ABI2: variants seen among roughly 807,000 people sequenced by gnomAD.
ABI2 encodes abl interactor 2.
Under a neutral mutation model 59.2 loss-of-function variants are expected in ABI2, and 25 were observed. The ratio of observed to expected loss-of-function variants is 0.42; its 90% CI spans 0.31 to 0.59. The LOEUF is 0.59. ABI2 is among the 20% of genes least tolerant of loss of function. The pLI is 0.14. For synonymous variants in ABI2, 213 were observed against 235.5 expected, an observed-to-expected ratio of 0.90 and a Z score of 0.87; for missense variants, 545 against 681.8, an observed-to-expected ratio of 0.80 and a Z score of 2.23.
chr2:203,401,492 GATTAT>G (rs1206389764), intron 8 of ABI2, among the ~76,000 whole-genome samples: 1 of 152,116 alleles, frequency 6.6e-6, no homozygotes, highest in Non-Finnish European at 1.5e-5. Context: ...TTAGGGAGTG[GATTAT>G]ATTATTAGGA....
chr2:203,395,149 T>C (rs1025393690), intron 6 of ABI2: 16 of 701,576 alleles, frequency 2.3e-5, no homozygotes, highest in Non-Finnish European at 3.9e-5. Flanking sequence ...GGTGGAACTT[T>C]ACAGATGAAA....
In ABI2 at chr2:203,416,959, A is replaced by G. The variant is rs749688383; in HGVS notation, c.1331A>G (p.Glu444Gly). 2.5e-6 allele frequency: 4 copies of G among 1,613,922 alleles called. No individual in the cohort carries two copies. Among genetic ancestry groups the G allele is most frequent in the Non-Finnish European group, 3.4e-6 (4 of 1,179,996 alleles). The part of the protein sequence containing the change: ...PPPVEEPVFD[E>G]SPPPPPPPED... ...CCTGTGGAAGAACCAGTCTTTGATG[A>G]GTCTCCCCCACCTCCTCCTCCTCCA... is the stretch of plus-strand genomic sequence containing the variant. The change falls in exon 11 of 12, where the codon GAG becomes GGG. Residue 444 changes from glutamate (E) to glycine (G), a missense_variant. Glu to Gly is a moderately conservative substitution (Grantham distance 98). This residue lies in a region of ABI2 where 410 missense variants were observed against 435.6 expected (regional missense o/e 0.94). Transcript: ENST00000261018.
At chr2:203,341,978 G>A (rs2080199634) in intron 1 of ABI2, among the ~76,000 whole-genome samples, 1 of 152,068 alleles carries the variant, frequency 6.6e-6, no homozygotes, top group Admixed American at 6.6e-5. Context: ...AAGCAAGGGA[G>A]ATATTCCTAT....
At chr2:203,400,039 C>T (rs1212003492) in intron 8 of ABI2, among the ~76,000 whole-genome samples, 1 of 148,614 alleles carries the variant, frequency 6.7e-6, no homozygotes, top group Non-Finnish European at 1.5e-5. Flanking sequence ...TTTTTAAAAC[C>T]CCAAATGGTA....
At chr2:203,396,149 A>G (rs2096972401) in intron 7 of ABI2, among the ~76,000 whole-genome samples, 1 of 152,226 alleles carries the variant, frequency 6.6e-6, no homozygotes, top group Non-Finnish European at 1.5e-5. Flanking sequence ...TAGTTTTGAC[A>G]GTTAAATTTA....
intron 4 of ABI2, among the ~76,000 whole-genome samples, chr2:203,384,944 C>T (rs1317847642): frequency 6.6e-6 from 1 of 150,458 alleles, no homozygotes; most frequent in Non-Finnish European, 1.5e-5. Flanking sequence ...AGGCGATTCT[C>T]CAGCCTCAGC....
chr2:203,382,183 A>G lies in ABI2; in HGVS notation c.463-6A>G. The G allele has an allele frequency of 2.6e-6, 4 of 1,528,628 alleles. No individual in the cohort carries two copies. In the East Asian group the frequency reaches 7.4e-5, roughly 28 times the overall value. 94.7% of individuals were successfully genotyped at this position (1,528,628 alleles called of 1,614,324 possible). A position where few individuals can be genotyped will look rare whatever the true frequency, so the allele number is the denominator to read the frequency against. ...CCTCTTTTATTTGCTCCATTTATGC[A>G]TTAAGTGGTTGCTTAGATTTAAGGT... On this transcript the variant is annotated splice_polypyrimidine_tract_variant and splice_region_variant and intron_variant, in intron 3 of 11. Coordinates refer to ENST00000261018, the MANE Select transcript of ABI2 (RefSeq NM_001375670.1).
Position 203,391,135 on chromosome 2 carries a change from G to A in ABI2, c.570G>A (p.Gly190=), listed in dbSNP as rs549992078. ...CTAGTCCCCCTATGTCAGGGAAAGGGACACTTGGGTGAGTATATAAGTAGT... is the reference window on the plus strand; with the variant it reads ...CTAGTCCCCCTATGTCAGGGAAAGGAACACTTGGGTGAGTATATAAGTAGT... The part of the protein sequence containing the change: ...KPPSPPMSGK[G]TLGRHSPYRT... The change falls in exon 5 of 12, where the codon GGG becomes GGA. Residue 190 remains glycine, a synonymous_variant. Transcript: ENST00000261018. The A allele has an allele frequency of 1.2e-6, 2 of 1,611,912 alleles. No individual in the cohort carries two copies. Among genetic ancestry groups the A allele is most frequent in the African/African-American group, 1.3e-5 (1 of 74,984 alleles).
intron 11 of ABI2, 42 bp from the exon 12 acceptor site, chr2:203,427,135 A>G (rs2098445659): frequency 6.4e-7 from 1 of 1,569,628 alleles, no homozygotes; most frequent in Non-Finnish European, 8.7e-7. Flanking sequence ...TTCTAGGAAT[A>G]TTACTGTCTT....
At chr2:203,365,176 C>T (rs1198116878) in intron 1 of ABI2, among the ~76,000 whole-genome samples, 1 of 152,044 alleles carries the variant, frequency 6.6e-6, no homozygotes, top group Non-Finnish European at 1.5e-5. Flanking sequence ...CATTTTGGAG[C>T]TTACTTTTTG....
chr2:203,347,724 T>TA (rs2084608433), intron 1 of ABI2, among the ~76,000 whole-genome samples: 1 of 152,258 alleles, frequency 6.6e-6, no homozygotes, highest in Non-Finnish European at 1.5e-5. Flanking sequence ...ACACATAACT[T>TA]ATGACACTTA....
At chr2:203,357,006 G>A (rs1043902931) in intron 1 of ABI2, among the ~76,000 whole-genome samples, 1 of 150,996 alleles carries the variant, frequency 6.6e-6, no homozygotes, top group African/African-American at 2.4e-5. Context: ...ACTAAAAAAC[G>A]ATTACTTCTT....
rs985033388 is a variant in ABI2, at chr2:203,430,964, CTT to C, written c.*3615_*3616del. 1.6e-4 allele frequency: 24 copies of C among 152,250 alleles called. No individual in the cohort carries two copies. Among genetic ancestry groups the C allele is most frequent in the African/African-American group, 5.8e-4 (24 of 41,550 alleles). 9.4% of individuals were successfully genotyped at this position (152,250 alleles called of 1,614,324 possible). ...TTTCTGCATTAAGAACTGTTTTTAT[CTT>C]TTACTACCTTTTCTTTTCTCCTTTG... On this transcript the variant is annotated 3_prime_UTR_variant, in exon 12 of 12. Coordinates refer to ENST00000261018, the MANE Select transcript of ABI2 (RefSeq NM_001375670.1).
rs751143730 is a variant in ABI2, at chr2:203,370,847, T to G, written c.285+3803T>G. Among the ~76,000 whole-genome samples, 4 of 152,192 alleles carry G rather than the reference T, an allele frequency of 2.6e-5. No homozygotes were observed. In the East Asian group the frequency reaches 7.7e-4, roughly 29 times the overall value. On this transcript the variant is annotated intron_variant, in intron 2 of 11. Coordinates refer to ENST00000261018, the MANE Select transcript of ABI2 (RefSeq NM_001375670.1). The stretch of plus-strand genomic sequence containing the variant: ...CAAGAGTTGTAAGGGTAGAGTTGTT[T>G]AGGACTAGTAGATACTAGTTATCTA...
intron 1 of ABI2, among the ~76,000 whole-genome samples, chr2:203,352,190 GC>G (rs2089146845): frequency 6.6e-6 from 1 of 152,160 alleles, no homozygotes; most frequent in African/African-American, 2.4e-5. Flanking sequence ...GTGGGGTGCT[GC>G]CCCCATGCCT....
chr2:203,360,221 C>G (rs1392895597), intron 1 of ABI2, among the ~76,000 whole-genome samples: 5 of 150,840 alleles, frequency 3.3e-5, no homozygotes, highest in Non-Finnish European at 5.9e-5. Flanking sequence ...GCAGTTGTAC[C>G]CTAAAGGCCT....
At chr2:203,346,582 C>T (rs1434995842) in intron 1 of ABI2, among the ~76,000 whole-genome samples, 5 of 152,218 alleles carry the variant, frequency 3.3e-5, no homozygotes, top group South Asian at 2.1e-4. Flanking sequence ...TCCTCATTGT[C>T]TGTTGAGTTG....
In ABI2 at chr2:203,416,994, G is replaced by T. The variant is rs763942603; in HGVS notation, c.1366G>T (p.Glu456Ter). ...ACCTCCTCCTCCTCCAGAAGATTAC[G>T]AAGAGGAGGAAGCTGCTGTGGTTGA... Reference protein sequence around the residue: ...PPPPPPPEDYEEEEAAVVEYS... With the variant: ...PPPPPPPEDY Residue 456 changes from glutamate (E) to a stop codon, truncating the protein, a stop_gained, in exon 11 of 12, where the codon GAA (glutamate) becomes TAA (stop). Transcript: ENST00000261018. LOFTEE classifies it high-confidence loss of function. 1 of 1,614,000 alleles carries T rather than the reference G, an allele frequency of 6.2e-7. No homozygotes were observed. Among genetic ancestry groups the T allele is most frequent in the Non-Finnish European group, 8.5e-7 (1 of 1,180,030 alleles).
intron 5 of ABI2, 23 bp from the exon 6 acceptor site, chr2:203,394,677 T>C (rs2096902952): frequency 6.2e-7 from 1 of 1,612,156 alleles, no homozygotes; most frequent in Non-Finnish European, 8.5e-7. Context: ...AATCATACAA[T>C]ACATACGCTC....
Sources: allele counts gnomAD v4.1 joint callset (sites outside exome capture counted in the v4.1 genomes callset), GRCh38; gene constraint gnomAD v4.1.1; regional missense constraint gnomAD v4.1.1; transcripts MANE v1.5; gene names NCBI Gene and HGNC (gene_info 2026-07-23, HGNC 2026-07-21).